ESRRB: variants seen among roughly 807,000 people sequenced by gnomAD.
ESRRB encodes estrogen related receptor beta.
Under a neutral mutation model 46.0 loss-of-function variants are expected in ESRRB, and 16 were observed. The ratio of observed to expected loss-of-function variants is 0.35; its 90% CI spans 0.24 to 0.53. The LOEUF is 0.53. Ranked by LOEUF, ESRRB falls within the 20% of genes least tolerant of loss-of-function variation. The probability of loss-of-function intolerance (pLI) is 0.93; values close to 1 mark genes in which losing one functional copy is unlikely to be tolerated. For missense variants in ESRRB, 488 were observed against 607.4 expected (o/e 0.80, Z 2.07); for synonymous variants, 246 against 259.6 (o/e 0.95, Z 0.50).
chr14:76,335,904 G>A (rs1884121186), intron 1 of ESRRB, among the ~76,000 whole-genome samples: 1 of 152,276 alleles, frequency 6.6e-6, no homozygotes, highest in Non-Finnish European at 1.5e-5. Flanking sequence ...ATAATCTTAT[G>A]TAATTGTCAC....
At chr14:76,455,039 A>AGGAGTTTGAGACC (rs1595135240) in intron 2 of ESRRB, among the ~76,000 whole-genome samples, 6 of 151,972 alleles carry the variant, frequency 3.9e-5, no homozygotes, top group Admixed American at 6.6e-5. Flanking sequence ...CAACATGGTG[A>AGGAGTTTGAGACC]AACCCCGTCT....
intron 2 of ESRRB, among the ~76,000 whole-genome samples, chr14:76,442,631 T>A (rs2139941241): frequency 6.6e-6 from 1 of 152,268 alleles, no homozygotes; most frequent in African/African-American, 2.4e-5. Flanking sequence ...TTTGTAATTA[T>A]TATTTTAACT....
At chr14:76,449,887 C>G (rs1055423879) in intron 2 of ESRRB, among the ~76,000 whole-genome samples, 1 of 151,224 alleles carries the variant, frequency 6.6e-6, no homozygotes, top group Non-Finnish European at 1.5e-5. Context: ...TTCTGAGGAG[C>G]TGGAATTACA....
upstream of ESRRB, among the ~76,000 whole-genome samples, chr14:76,368,874 C>T (rs1370997915): frequency 6.6e-6 from 1 of 152,162 alleles, no homozygotes; most frequent in Non-Finnish European, 1.5e-5. Context: ...GGTCAGCCAG[C>T]ACTTTTCTCG....
rs570506680 is a variant in ESRRB, at chr14:76,377,103, A to G, written c.50+652A>G. Among the ~76,000 whole-genome samples, 7 of 152,278 alleles carry G rather than the reference A, an allele frequency of 4.6e-5. No individual in the cohort carries two copies. The East Asian group carries it at 1.4e-3, about 30-fold the overall frequency. ...CTCGGCTTTGGGGGAGGCTGTGACC[A>G]GCGGAACAGAAGGGCACCATTTCCC... On this transcript the variant is annotated intron_variant, in intron 1 of 6. Coordinates refer to ENST00000644823, the MANE Select transcript of ESRRB (RefSeq NM_001379180.1).
intron 1 of ESRRB, among the ~76,000 whole-genome samples, chr14:76,341,491 G>T (rs760121461): frequency 1.3e-5 from 2 of 152,210 alleles, no homozygotes; most frequent in African/African-American, 4.8e-5. Context: ...CAGGCCCTGC[G>T]GGCTGACATT....
chr14:76,442,482 A>T (rs1459030887), intron 2 of ESRRB, among the ~76,000 whole-genome samples: 2 of 152,192 alleles, frequency 1.3e-5, no homozygotes, highest in South Asian at 2.1e-4. Flanking sequence ...TCTCAAAAAA[A>T]AATAATAAAA....
chr14:76,395,548 G>T (rs1280251938), intron 1 of ESRRB, among the ~76,000 whole-genome samples: 1 of 152,014 alleles, frequency 6.6e-6, no homozygotes, highest in Admixed American at 6.6e-5. Flanking sequence ...TGTACCCTGG[G>T]GCAAGTCACC....
At chr14:76,331,748 G>T (rs1257341715) in intron 1 of ESRRB, among the ~76,000 whole-genome samples, 1 of 151,708 alleles carries the variant, frequency 6.6e-6, no homozygotes, top group East Asian at 2.0e-4. Flanking sequence ...TTCCAGCTCA[G>T]CCCTGCCTCT....
rs564133109 is a variant in ESRRB at position 76,383,982 on chromosome 14, T to C, written c.50+7531T>C. 7.2e-5 allele frequency among the ~76,000 whole-genome samples: 11 copies of C among 152,242 alleles called. No homozygotes were observed. The South Asian group carries it at 1.9e-3, about 26-fold the overall frequency. ...CTAAACTTTATGCAAAACCAATTTT[T>C]AAATCCCTCCCCTCATCTCACCGCC... is the stretch of plus-strand genomic sequence containing the variant. On this transcript the variant is annotated intron_variant, in intron 1 of 6. Transcript: ENST00000644823.
intron 1 of ESRRB, among the ~76,000 whole-genome samples, chr14:76,333,651 C>T (rs1052326709): frequency 6.7e-6 from 1 of 150,350 alleles, no homozygotes; most frequent in East Asian, 1.9e-4. Flanking sequence ...TCAAAAGAAA[C>T]AGTTGAAATC....
Position 76,376,878 on chromosome 14 carries a change from T to C in ESRRB, c.50+427T>C, listed in dbSNP as rs1478688975. On this transcript the variant is annotated intron_variant, in intron 1 of 6. Transcript: ENST00000644823. The surrounding 1 kb of genome is among the most constrained non-coding windows in gnomAD (Gnocchi z 4.1). The stretch of plus-strand genomic sequence containing the variant: ...TTCCCGCGGGCGCTTTGTTTTATTA[T>C]TTCCATCCTGGGGACCAAAAATGAT... 6.6e-6 allele frequency among the ~76,000 whole-genome samples: 1 copy of C among 152,172 alleles called. No individual in the cohort carries two copies. Among genetic ancestry groups the C allele is most frequent in the Non-Finnish European group, 1.5e-5 (1 of 68,028 alleles).
intron 1 of ESRRB, among the ~76,000 whole-genome samples, chr14:76,325,107 G>T (rs549767911): frequency 1.3e-5 from 2 of 151,782 alleles, no homozygotes; most frequent in South Asian, 4.2e-4. Flanking sequence ...TGGGATTACA[G>T]CTGTGTGCCA....
intron 1 of ESRRB, among the ~76,000 whole-genome samples, chr14:76,335,857 T>C (rs1267966501): frequency 6.6e-6 from 1 of 152,212 alleles, no homozygotes; most frequent in African/African-American, 2.4e-5. Flanking sequence ...ATGCTCATGA[T>C]GCGCCCGGTG....
At chr14:76,468,376 A>C (rs1889211143) in intron 3 of ESRRB, among the ~76,000 whole-genome samples, 1 of 150,184 alleles carries the variant, frequency 6.7e-6, no homozygotes, top group African/African-American at 2.4e-5. Flanking sequence ...GCCACTTTAC[A>C]TTCTACACAC....
chr14:76,411,514 C>T (rs1454763114), intron 1 of ESRRB, among the ~76,000 whole-genome samples: 1 of 152,054 alleles, frequency 6.6e-6, no homozygotes, highest in Non-Finnish European at 1.5e-5. Flanking sequence ...GTTCAGTACC[C>T]CTTTATGAGA....
upstream of ESRRB, among the ~76,000 whole-genome samples, chr14:76,368,178 T>C (rs1271840512): frequency 6.7e-6 from 1 of 149,060 alleles, no homozygotes; most frequent in Admixed American, 6.8e-5. Context: ...TTTCACCGTG[T>C]TAACCAGGAT....
At chr14:76,358,345 A>T (rs1429148191) in intron 1 of ESRRB, among the ~76,000 whole-genome samples, 1 of 42,194 alleles carries the variant, frequency 2.4e-5, no homozygotes, top group Non-Finnish European at 4.7e-5. Flanking sequence ...GAAAGAAAGA[A>T]AGAAAGAAAG....
intron 2 of ESRRB, among the ~76,000 whole-genome samples, chr14:76,444,731 G>A (rs1396481750): frequency 6.6e-6 from 1 of 152,184 alleles, no homozygotes; most frequent in Non-Finnish European, 1.5e-5. Flanking sequence ...GTCTACAGGC[G>A]TAGCACTGTG....
Sources: allele counts gnomAD v4.1 joint callset (sites outside exome capture counted in the v4.1 genomes callset), GRCh38; gene constraint gnomAD v4.1.1; non-coding constraint Gnocchi (gnomAD v3.1); transcripts MANE v1.5; gene names NCBI Gene and HGNC (gene_info 2026-07-23, HGNC 2026-07-21).